The following IKBKB variants were observed in gnomAD, a reference collection of about 807,000 sequenced individuals.
The protein encoded by IKBKB is inhibitor of nuclear factor kappa-B kinase subunit beta.
Under a neutral mutation model 113.6 loss-of-function variants are expected in IKBKB, and 42 were observed. The ratio of observed to expected loss-of-function variants is 0.37; its 90% CI spans 0.29 to 0.48. The LOEUF (loss-of-function observed/expected upper bound fraction) is 0.48. Among genes scored for constraint, IKBKB ranks in the 20% least tolerant of loss-of-function variants. The pLI, the probability that IKBKB is intolerant of heterozygous loss-of-function variation, is 0.99. For synonymous variants in IKBKB, 296 were observed against 361.3 expected, an observed-to-expected ratio of 0.82 and a Z score of 2.05; for missense variants, 673 against 939.7, an observed-to-expected ratio of 0.72 and a Z score of 3.71.
intron 3 of IKBKB, 56 bp downstream of exon 3, chr8:42,288,784 T>C: frequency 7.1e-7 from 1 of 1,415,126 alleles, no homozygotes; most frequent in Non-Finnish European, 9.8e-7. Context: ...GCCCCCGGTG[T>C]GTCTAGAAAG....
rs781098452 is a variant in IKBKB at position 42,318,575 on chromosome 8, G to A, written c.1264G>A (p.Ala422Thr). The A allele has an allele frequency of 2.3e-5, 37 of 1,613,744 alleles. No homozygotes were observed. Among genetic ancestry groups the A allele is most frequent in the South Asian group, 1.4e-4 (13 of 91,080 alleles). Residue 422 changes from alanine to threonine, a missense_variant, in exon 13 of 22, where the codon GCC becomes ACC. Ala to Thr is a moderately conservative substitution (Grantham distance 58). Transcript: ENST00000520810. The part of the protein sequence containing the change: ...CILQEPKRNL[A>T]FFQLRKVWGQ... Reference sequence around the variant, plus strand: ...AGTTCAAGAGCCCAAGAGGAATCTCGCCTTCTTCCAGCTGAGGAAGGTGTG... The same window carrying A: ...AGTTCAAGAGCCCAAGAGGAATCTCACCTTCTTCCAGCTGAGGAAGGTGTG...
At chr8:42,301,813 C>T (rs919042700) in intron 5 of IKBKB, among the ~76,000 whole-genome samples, 17 of 152,118 alleles carry the variant, frequency 1.1e-4, no homozygotes, top group African/African-American at 2.9e-4. Context: ...TGGTCTAATC[C>T]GAATGCTCCT....
intron 9 of IKBKB, among the ~76,000 whole-genome samples, chr8:42,315,379 A>C (rs534768238): frequency 6.6e-6 from 1 of 152,322 alleles, no homozygotes. Context: ...GATGTACAGG[A>C]CATGGATAGA....
chr8:42,285,944 G>T (rs1811340697), intron 2 of IKBKB, among the ~76,000 whole-genome samples: 1 of 152,242 alleles, frequency 6.6e-6, no homozygotes, highest in African/African-American at 2.4e-5. Context: ...GCTGATGGGT[G>T]TGGAGTTTTG....
chr8:42,274,794 C>CCT (rs1808672507), intron 2 of IKBKB, among the ~76,000 whole-genome samples: 2 of 82,988 alleles, frequency 2.4e-5, no homozygotes, highest in Non-Finnish European at 8.6e-5. Context: ...GCGCCCCCCC[C>CCT]CCCCCCCGCC....
intron 5 of IKBKB, among the ~76,000 whole-genome samples, chr8:42,294,451 C>T (rs1316865575): frequency 6.6e-6 from 1 of 152,214 alleles, no homozygotes; most frequent in Non-Finnish European, 1.5e-5. Flanking sequence ...ATTTGTAAAG[C>T]TGTCTTCTCT....
chr8:42,314,479 G>A, intron 9 of IKBKB, 50 bp downstream of exon 9: 6 of 1,260,774 alleles, frequency 4.8e-6, no homozygotes, highest in Non-Finnish European at 7.0e-6. Flanking sequence ...GCTTTTTTTA[G>A]AAATACAAGT....
chr8:42,297,558 G>T (rs953653077), intron 5 of IKBKB, among the ~76,000 whole-genome samples: 8 of 152,196 alleles, frequency 5.3e-5, no homozygotes, highest in African/African-American at 1.9e-4. Context: ...TTTTTCCACT[G>T]AATTTCAAAT....
At chr8:42,324,411 C>T (rs1820334737) in intron 19 of IKBKB, among the ~76,000 whole-genome samples, 1 of 152,130 alleles carries the variant, frequency 6.6e-6, no homozygotes, top group South Asian at 2.1e-4. Context: ...ACTATAGGCT[C>T]ATGCCCCCAC....
At chr8:42,284,852 C>CTTTTT (rs559953662) in intron 2 of IKBKB, among the ~76,000 whole-genome samples, 1 of 116,094 alleles carries the variant, frequency 8.6e-6, no homozygotes, top group East Asian at 2.5e-4. Flanking sequence ...AAACGTTATT[C>CTTTTT]TTTTTTTTTT....
intron 11 of IKBKB, chr8:42,317,186 G>A: frequency 2.2e-6 from 1 of 460,548 alleles, no homozygotes. Flanking sequence ...CAAGTTGCCT[G>A]CTTGGCCCTC....
intron 6 of IKBKB, among the ~76,000 whole-genome samples, chr8:42,305,490 G>A (rs1158341219): frequency 6.6e-6 from 1 of 152,256 alleles, no homozygotes; most frequent in Non-Finnish European, 1.5e-5. Flanking sequence ...AGTTGCTCAA[G>A]TTGCAGGAAT....
chr8:42,328,218 A>G (rs1821184406), intron 20 of IKBKB, among the ~76,000 whole-genome samples: 1 of 145,486 alleles, frequency 6.9e-6, no homozygotes. Context: ...AAGTGCTGGG[A>G]TTACAGGCGT....
At chr8:42,323,937 C>T (rs1385541174) in intron 19 of IKBKB, among the ~76,000 whole-genome samples, 1 of 152,222 alleles carries the variant, frequency 6.6e-6, no homozygotes, top group African/African-American at 2.4e-5. Context: ...GGGCCTGATC[C>T]TTCAAGGGGC....
At chr8:42,289,425 C>T (rs1812104657) in intron 3 of IKBKB, among the ~76,000 whole-genome samples, 1 of 152,176 alleles carries the variant, frequency 6.6e-6, no homozygotes, top group Admixed American at 6.5e-5. Context: ...CAAAAAAAGC[C>T]TTCTTTCCTC....
intron 2 of IKBKB, among the ~76,000 whole-genome samples, chr8:42,287,228 G>T (rs1010001012): frequency 8.5e-5 from 13 of 152,226 alleles, no homozygotes; most frequent in Non-Finnish European, 1.8e-4. Context: ...AGGGGAGGCC[G>T]CCAGGAGCCA....
chr8:42,285,886 G>T (rs1811320459), intron 2 of IKBKB, among the ~76,000 whole-genome samples: 1 of 152,214 alleles, frequency 6.6e-6, no homozygotes, highest in Admixed American at 6.5e-5. Flanking sequence ...ACAGAAAGAG[G>T]TGGGTGGTTG....
chr8:42,310,312 G>A (rs1817471084), intron 8 of IKBKB, among the ~76,000 whole-genome samples: 3 of 152,170 alleles, frequency 2.0e-5, no homozygotes, highest in Non-Finnish European at 4.4e-5. Context: ...ATGCAGTGAA[G>A]TCATACCAGC....
chr8:42,273,763 G>A (rs1203712434), intron 2 of IKBKB, among the ~76,000 whole-genome samples: 1 of 151,906 alleles, frequency 6.6e-6, no homozygotes, highest in Non-Finnish European at 1.5e-5. Flanking sequence ...ATGTTGTCCA[G>A]GCTCGTCTAG....
Sources: gnomAD v4.1 joint callset for allele counts (sites outside exome capture counted in the v4.1 genomes callset) on GRCh38, gnomAD v4.1.1 for gene constraint, MANE v1.5 for transcripts, NCBI Gene and HGNC (gene_info 2026-07-23, HGNC 2026-07-21) for gene names.